The following ZNF407 variants were observed in gnomAD, a reference collection of about 807,000 sequenced individuals.
The protein encoded by ZNF407 is zinc finger protein 407.
ZNF407 carries 17 observed loss-of-function variants against 131.2 expected under a neutral mutation model. The observed-to-expected ratio is 0.13, with a 90% CI of 0.09 to 0.19. The LOEUF is 0.19. Ranked by LOEUF, ZNF407 falls within the 10% of genes least tolerant of loss-of-function variation. The pLI is 1.00. For synonymous variants in ZNF407, 1,156 were observed against 1,062.0 expected (o/e 1.09, Z -1.72); for missense variants, 2,681 against 2,830.6 (o/e 0.95, Z 1.20).
At chr18:74,783,856 C>G (rs1464462292) in intron 4 of ZNF407, among the ~76,000 whole-genome samples, 1 of 152,150 alleles carries the variant, frequency 6.6e-6, no homozygotes, top group Non-Finnish European at 1.5e-5. Context: ...TTTAAAAATT[C>G]TTTGAGAGGA....
intron 8 of ZNF407, chr18:75,062,393 A>G (rs8088689): frequency 0.15 from 22,975 of 152,244 alleles, 2,037 homozygotes; most frequent in African/African-American, 0.24. Flanking sequence ...GGGACAGAGA[A>G]GAGGAAGGCT....
At chr18:74,960,937 G>A (rs146683318) in intron 8 of ZNF407, among the ~76,000 whole-genome samples, 2 of 149,464 alleles carry the variant, frequency 1.3e-5, no homozygotes, top group African/African-American at 2.5e-5. Flanking sequence ...AGAAGGTCCT[G>A]AGTGAGGACT....
At chr18:75,015,500 AAT>A (rs376001737) in intron 8 of ZNF407, among the ~76,000 whole-genome samples, 5 of 147,896 alleles carry the variant, frequency 3.4e-5, no homozygotes, top group African/African-American at 7.4e-5. Context: ...GAGAATGGAG[AAT>A]ATATATATAT....
intron 8 of ZNF407, among the ~76,000 whole-genome samples, chr18:75,025,454 A>G (rs1973159931): frequency 6.6e-6 from 1 of 152,212 alleles, no homozygotes; most frequent in Admixed American, 6.5e-5. Flanking sequence ...GAAAATTTGA[A>G]TATCAGCATA....
chr18:74,663,465 G>A (rs548657045), intron 3 of ZNF407, among the ~76,000 whole-genome samples: 58 of 152,164 alleles, frequency 3.8e-4, no homozygotes, highest in African/African-American at 1.3e-3. Flanking sequence ...ATTTGGGGCC[G>A]AAACTAAGGA....
chr18:75,026,761 T>C (rs1568304913), intron 8 of ZNF407, among the ~76,000 whole-genome samples: 1 of 152,214 alleles, frequency 6.6e-6, no homozygotes, highest in South Asian at 2.1e-4. Flanking sequence ...ACTTTGAGCA[T>C]AGATTATACC....
chr18:74,755,728 C>CCTTTCTTTCTTTCTTTCTTT (rs765042437), intron 3 of ZNF407, among the ~76,000 whole-genome samples: 8,256 of 63,368 alleles, frequency 0.13, 1,278 homozygotes, highest in Middle Eastern at 0.17. Context: ...TTCTTTCTTT[C>CCTTTCTTTCTTTCTTTCTTT]CTTTCTTTCT....
intron 7 of ZNF407, among the ~76,000 whole-genome samples, chr18:74,908,395 T>G (rs551990769): frequency 6.6e-6 from 1 of 152,314 alleles, no homozygotes; most frequent in East Asian, 1.9e-4. Context: ...AAGTCACTTA[T>G]TTTTTCCTAT....
At chr18:75,017,636 G>A (rs1157100075) in intron 8 of ZNF407, among the ~76,000 whole-genome samples, 1 of 152,160 alleles carries the variant, frequency 6.6e-6, no homozygotes, top group East Asian at 1.9e-4. Flanking sequence ...CAGGCTGTCA[G>A]CAAATGCTTA....
At chr18:75,057,369 G>A (rs1039573941) in intron 8 of ZNF407, among the ~76,000 whole-genome samples, 7 of 152,108 alleles carry the variant, frequency 4.6e-5, no homozygotes, top group South Asian at 4.1e-4. Context: ...ATCTACTTTC[G>A]GTTTTAGAAC....
intron 3 of ZNF407, among the ~76,000 whole-genome samples, chr18:74,761,744 TA>T (rs1321905691): frequency 6.6e-6 from 1 of 152,224 alleles, no homozygotes; most frequent in African/African-American, 2.4e-5. Flanking sequence ...GATTGTGTTT[TA>T]AGTTCTTATG....
intron 8 of ZNF407, among the ~76,000 whole-genome samples, chr18:75,020,495 A>G (rs193152630): frequency 1.3e-3 from 203 of 152,272 alleles, no homozygotes; most frequent in Non-Finnish European, 1.8e-3. Flanking sequence ...TTTTTCTCCT[A>G]TCGGAAGAAG....
At chr18:74,998,364 C>T (rs1471321951) in intron 8 of ZNF407, among the ~76,000 whole-genome samples, 2 of 152,188 alleles carry the variant, frequency 1.3e-5, no homozygotes, top group Admixed American at 1.3e-4. Flanking sequence ...GCTCTTGCCT[C>T]CTTCAGTGTG....
intron 3 of ZNF407, among the ~76,000 whole-genome samples, chr18:74,653,391 T>TA (rs1386701800): frequency 6.6e-6 from 1 of 151,912 alleles, no homozygotes; most frequent in Non-Finnish European, 1.5e-5. Context: ...AAGTTAGTAA[T>TA]AGTAACTTAG....
intron 3 of ZNF407, among the ~76,000 whole-genome samples, chr18:74,713,089 A>G (rs886561045): frequency 6.6e-6 from 1 of 152,216 alleles, no homozygotes; most frequent in South Asian, 2.1e-4. Context: ...CTGCATTTCA[A>G]CTTTCTGCTT....
In ZNF407 at chr18:74,943,915, G is replaced by A. The variant is rs185364953; in HGVS notation, c.5428+23223G>A. ...GTTCTACTGAACAGTTTTCCCCTTC[G>A]AATTTCTACAAATTATGCTAGATAT... is the stretch of plus-strand genomic sequence containing the variant. On this transcript the variant is annotated intron_variant, in intron 8 of 8. Transcript: ENST00000299687. Among the ~76,000 whole-genome samples, 23 of 152,176 alleles carry A rather than the reference G, an allele frequency of 1.5e-4. 1 individual carries two copies. The East Asian group carries it at 4.4e-3, about 29-fold the overall frequency.
intron 8 of ZNF407, among the ~76,000 whole-genome samples, chr18:74,987,472 A>G (rs1972667039): frequency 6.6e-6 from 1 of 152,196 alleles, no homozygotes; most frequent in African/African-American, 2.4e-5. Flanking sequence ...GTGTGTTGAG[A>G]AAAGAGCCAC....
chr18:74,621,059 C>A (rs947106924), intron 1 of ZNF407, among the ~76,000 whole-genome samples: 1 of 124,454 alleles, frequency 8.0e-6, no homozygotes, highest in East Asian at 3.2e-4. Flanking sequence ...GATATTTCTC[C>A]ATTTCCATAT....
chr18:74,870,515 C>G (rs1414655120), intron 4 of ZNF407, among the ~76,000 whole-genome samples: 1 of 152,158 alleles, frequency 6.6e-6, no homozygotes, highest in African/African-American at 2.4e-5. Flanking sequence ...TTTGTGGCTT[C>G]TTAATACGAA....
Sources: gnomAD v4.1 joint callset for allele counts (sites outside exome capture counted in the v4.1 genomes callset) on GRCh38, gnomAD v4.1.1 for gene constraint, MANE v1.5 for transcripts, NCBI Gene and HGNC (gene_info 2026-07-23, HGNC 2026-07-21) for gene names.